The following NOD1 variants were observed in gnomAD, a reference collection of about 807,000 sequenced individuals.
NOD1 encodes nucleotide-binding oligomerization domain-containing protein 1.
Under a neutral mutation model 81.2 loss-of-function variants are expected in NOD1, and 70 were observed. That is an observed-to-expected ratio of 0.86 (90% CI 0.71 to 1.05). The LOEUF is 1.05. Ranked by LOEUF, NOD1 falls within the 50% of genes least tolerant of loss-of-function variation. The pLI is 0.00. For missense variants in NOD1, 1,233 were observed against 1,228.0 expected (o/e 1.00, Z -0.06); for synonymous variants, 508 against 526.9 (o/e 0.96, Z 0.49).
chr7:30,451,438 T>A lies in NOD1; in HGVS notation c.1979A>T (p.Tyr660Phe). The A allele has an allele frequency of 6.2e-7, 1 of 1,613,788 alleles. No homozygotes were observed. The highest frequency in any genetic ancestry group is 8.5e-7 in the Non-Finnish European group (1 of 1,180,018). ...PTFIWMLRCIYETQSQKVGQL... is the reference protein window; with the variant it reads ...PTFIWMLRCIFETQSQKVGQL... ...CCCCACCTTCTGGCTCTGTGTCTCG[T>A]AGATGCAGCGCAGCATCCAGATGAA... The change falls in exon 6 of 14, where the codon TAC becomes TTC. Residue 660 changes from tyrosine (Y) to phenylalanine (F), a missense_variant. By Grantham distance (22) the Tyr-to-Phe change is conservative (BLOSUM62 3). Coordinates refer to ENST00000222823, the MANE Select transcript of NOD1 (RefSeq NM_006092.4). The surrounding 1 kb of genome is among the most constrained non-coding windows in gnomAD (Gnocchi z 4.2).
At chr7:30,429,224 G>A in intron 13 of NOD1, 150 bp downstream of exon 13, 3 of 719,914 alleles carry the variant, frequency 4.2e-6, no homozygotes, top group Non-Finnish European at 2.5e-6. Context: ...CTGGGCCTCT[G>A]TCTACCTCTG....
chr7:30,431,794 T>C (rs1783975805), intron 12 of NOD1, among the ~76,000 whole-genome samples: 1 of 152,132 alleles, frequency 6.6e-6, no homozygotes, highest in South Asian at 2.1e-4. Flanking sequence ...AATAGATAAA[T>C]TGGACTTCAT....
Position 30,439,508 on chromosome 7 carries a change from A to AAAT in NOD1, c.2454-1855_2454-1853dup, listed in dbSNP as rs1784711447. On this transcript the variant is annotated intron_variant, in intron 9 of 13. Coordinates refer to ENST00000222823, the MANE Select transcript of NOD1 (RefSeq NM_006092.4). ...GAAAGGGGTGACGGACGCACCTGGA[A>AAAT]AATCGGGTCACTCCCACCCGAATAT... 2.3e-5 allele frequency among the ~76,000 whole-genome samples: 3 copies of AAAT among 128,298 alleles called. No homozygotes were observed. The South Asian group carries it at 8.1e-4, about 35-fold the overall frequency. The allele number at this position is 128,298 out of a possible 152,430, so 84.2% of individuals were successfully genotyped here. A position where few individuals can be genotyped will look rare whatever the true frequency, so the allele number is the denominator to read the frequency against.
intron 9 of NOD1, among the ~76,000 whole-genome samples, 195 bp from the exon 10 acceptor site, chr7:30,437,851 G>C (rs181423080): frequency 3.3e-5 from 5 of 152,214 alleles, no homozygotes; most frequent in Admixed American, 1.3e-4. Flanking sequence ...CAAATTCAAG[G>C]GGTGATGCAA....
At chr7:30,437,964 C>T (rs1031732308) in intron 9 of NOD1, among the ~76,000 whole-genome samples, 2 of 152,220 alleles carry the variant, frequency 1.3e-5, no homozygotes, top group East Asian at 3.9e-4. Flanking sequence ...AGCCCAGGAG[C>T]CTGAGCTCAT....
chr7:30,451,330 G>A lies in NOD1; in HGVS notation c.2087C>T (p.Ser696Phe), dbSNP rs1481975959. Residue 696 changes from serine (S) to phenylalanine (F), a missense_variant, in exon 6 of 14, where the codon TCC becomes TTC. Physicochemically the swap from Ser to Phe is radical, Grantham distance 155. Coordinates refer to ENST00000222823, the MANE Select transcript of NOD1 (RefSeq NM_006092.4). The surrounding 1 kb of genome is among the most constrained non-coding windows in gnomAD (Gnocchi z 4.2). ...NACSADCSAL[S>F]FVLHHFPKRL... ...CTTGGGGAAGTGATGCAGGACGAAG[G>A]AGAGGGCGCTGCAGTCGGCCGAGCA... is the stretch of plus-strand genomic sequence containing the variant. The A allele has an allele frequency of 6.2e-7, 1 of 1,614,220 alleles. No homozygotes were observed. The highest frequency in any genetic ancestry group is 1.7e-5 in the Admixed American group (1 of 60,034).
chr7:30,455,307 C>T lies in NOD1; in HGVS notation c.206G>A (p.Arg69His), dbSNP rs768166122. ...CACPTQPDKVRKILDLVQSKG... is the reference protein window; with the variant it reads ...CACPTQPDKVHKILDLVQSKG... ...GCTCTGTACCAGGTCCAGAATTTTG[C>T]GGACCTGGAGGTGACACAAGCATGA... The change falls in exon 5 of 14, where the codon CGC (arginine) becomes CAC (histidine). Residue 69 changes from arginine (R) to histidine (H), a missense_variant. Transcript: ENST00000222823. 8.1e-6 allele frequency: 13 copies of T among 1,612,390 alleles called. No individual in the cohort carries two copies. Among genetic ancestry groups the T allele is most frequent in the Admixed American group, 5.0e-5 (3 of 59,980 alleles).
At chr7:30,457,910 C>G (rs758236286) in intron 3 of NOD1, among the ~76,000 whole-genome samples, 2 of 152,132 alleles carry the variant, frequency 1.3e-5, no homozygotes, top group Non-Finnish European at 2.9e-5. Context: ...TCAGCAAAGT[C>G]TGTTATACAC....
At position 30,456,660 on chromosome 7, in the gene NOD1, G is replaced by A. The variant is rs560449418; in HGVS notation, c.201+61C>T. ...CGCTCTTCACTCAGATCAGCAGGGAGAGGCCTCTTCTAGCTCCCGGGGTCC... is the reference window on the plus strand; with the variant it reads ...CGCTCTTCACTCAGATCAGCAGGGAAAGGCCTCTTCTAGCTCCCGGGGTCC... On this transcript the variant is annotated intron_variant, in intron 4 of 13. Transcript: ENST00000222823. 7.6e-6 allele frequency: 11 copies of A among 1,456,000 alleles called. No individual in the cohort carries two copies. In the African/African-American group the frequency reaches 1.4e-4, roughly 19 times the overall value. The allele number at this position is 1,456,000 out of a possible 1,614,324, so 90.2% of individuals were successfully genotyped here.
In NOD1 at chr7:30,455,218, C is replaced by T. The variant is rs757840023; in HGVS notation, c.295G>A (p.Asp99Asn). 5 of 1,614,176 alleles carry T rather than the reference C, an allele frequency of 3.1e-6. No individual in the cohort carries two copies. In the South Asian group the frequency reaches 5.5e-5, roughly 18 times the overall value. ...LLQQLADAYV[D>N]LRPWLLEIGF... ...ATCTCCAGCAGCCAAGGCCTGAGGT[C>T]CACGTAGGCATCTGCGAGTTGCTGG... The change falls in exon 5 of 14, where the codon GAC becomes AAC. Residue 99 changes from aspartate to asparagine, a missense_variant. By Grantham distance (23) the Asp-to-Asn change is conservative (BLOSUM62 1). Coordinates refer to ENST00000222823, the MANE Select transcript of NOD1 (RefSeq NM_006092.4).
At chr7:30,448,421 C>T in intron 6 of NOD1, 40 bp from the exon 7 acceptor site, 1 of 1,507,736 alleles carries the variant, frequency 6.6e-7, no homozygotes, top group Non-Finnish European at 9.2e-7. Context: ...TCAGGGCAGG[C>T]ACTCATTATG....
chr7:30,460,406 A>G (rs1786910306), intron 1 of NOD1: 2 of 982,444 alleles, frequency 2.0e-6, no homozygotes, highest in Non-Finnish European at 2.4e-6. Context: ...CTTCCAGGCA[A>G]AGAGAGGACG....
At chr7:30,464,280 A>G (rs1256533344) in intron 1 of NOD1, among the ~76,000 whole-genome samples, 1 of 152,230 alleles carries the variant, frequency 6.6e-6, no homozygotes, top group Non-Finnish European at 1.5e-5. Context: ...AGCCTCTGCC[A>G]GCTGCGAGGC....
In NOD1 at chr7:30,451,683, G is replaced by A. The variant is rs1220755344; in HGVS notation, c.1734C>T (p.Leu578=). 2.5e-6 allele frequency: 4 copies of A among 1,613,830 alleles called. No homozygotes were observed. The highest frequency in any genetic ancestry group is 3.4e-6 in the Non-Finnish European group (4 of 1,180,048). ...LQGSGPARED[L]FKNKDHFQFT... is the part of the protein sequence containing the mutation. ...ACTGGAAGTGATCCTTGTTCTTGAA[G>A]AGGTCTTCCCGCGCCGGACCACTGC... Residue 578 remains leucine (L), a synonymous_variant, in exon 6 of 14, where the codon CTC becomes CTT. Transcript: ENST00000222823. The surrounding 1 kb of genome is among the most constrained non-coding windows in gnomAD (Gnocchi z 4.2).
chr7:30,455,443 G>C, intron 4 of NOD1, 132 bp from the exon 5 acceptor site: 2 of 646,494 alleles, frequency 3.1e-6, no homozygotes, highest in East Asian at 2.8e-5. Context: ...CCCCCCAGCT[G>C]CTGTGACAGT....
At chr7:30,477,333 T>C (rs1788884408) in intron 1 of NOD1, among the ~76,000 whole-genome samples, 1 of 152,262 alleles carries the variant, frequency 6.6e-6, no homozygotes, top group South Asian at 2.1e-4. Flanking sequence ...TTCAGCTACC[T>C]GGCCCCTGGC....
intron 1 of NOD1, chr7:30,460,775 C>T (rs1419035223): frequency 1.3e-6 from 1 of 781,348 alleles, no homozygotes; most frequent in African/African-American, 1.9e-5. Context: ...GCTCTTCTTT[C>T]TAGCTTTCTG....
Position 30,456,580 on chromosome 7 carries a change from T to C in NOD1, c.201+141A>G, listed in dbSNP as rs574143586. Reference sequence around the variant, plus strand: ...ACTGTGCAACCTGCTAACCCAGGCATTTGTGTGCTATTAGTACCCCAAAAT... The same window carrying C: ...ACTGTGCAACCTGCTAACCCAGGCACTTGTGTGCTATTAGTACCCCAAAAT... On this transcript the variant is annotated intron_variant, in intron 4 of 13. Coordinates refer to ENST00000222823, the MANE Select transcript of NOD1 (RefSeq NM_006092.4). The C allele has an allele frequency of 2.8e-5, 19 of 679,100 alleles. No homozygotes were observed. The South Asian group carries it at 3.2e-4, about 12-fold the overall frequency. 42.1% of individuals were successfully genotyped at this position (679,100 alleles called of 1,614,324 possible).
intron 9 of NOD1, among the ~76,000 whole-genome samples, chr7:30,445,886 G>T (rs1215884905): frequency 6.6e-6 from 1 of 151,378 alleles, no homozygotes; most frequent in Admixed American, 6.6e-5. Context: ...CCACTTACAT[G>T]AGGTAGAGTA....
Sources: allele counts gnomAD v4.1 joint callset (sites outside exome capture counted in the v4.1 genomes callset), GRCh38; gene constraint gnomAD v4.1.1; non-coding constraint Gnocchi (gnomAD v3.1); transcripts MANE v1.5; gene names NCBI Gene and HGNC (gene_info 2026-07-23, HGNC 2026-07-21).